The following SASH1 variants were observed in gnomAD, a reference collection of about 807,000 sequenced individuals.
SASH1 encodes SAM and SH3 domain-containing protein 1.
SASH1 carries 44 observed loss-of-function variants against 125.2 expected under a neutral mutation model. The ratio of observed to expected loss-of-function variants is 0.35; its 90% confidence interval spans 0.28 to 0.45. The LOEUF is 0.45. Among genes scored for constraint, SASH1 ranks in the 20% least tolerant of loss-of-function variants. The pLI is 1.00. For missense variants in SASH1, 1,426 were observed against 1,614.5 expected (o/e 0.88, Z 2.00); for synonymous variants, 639 against 649.1 (o/e 0.98, Z 0.24).
chr6:148,275,781 G>T (rs1054734509), intron 1 of SASH1, among the ~76,000 whole-genome samples: 1 of 152,192 alleles, frequency 6.6e-6, no homozygotes, highest in Non-Finnish European at 1.5e-5. Flanking sequence ...GAATGCAGTG[G>T]CATGATCATG....
chr6:148,220,931 G>A, the SASH1 span, among the ~76,000 whole-genome samples: 2 of 152,056 alleles, frequency 1.3e-5, no homozygotes, highest in Admixed American at 6.6e-5. Flanking sequence ...AAAATAAAAT[G>A]TGACCAATAG....
rs1054555482 is a variant in SASH1, at chr6:148,519,966, T to A, written c.1209+73T>A. ...CCACCTTCTGGTGTCCCTGGAGGAG[T>A]TTCAGAGTGTCCGGAAGCAAATCCG... On this transcript the variant is annotated intron_variant, in intron 10 of 19. Transcript: ENST00000367467. This position sits in a 1 kb window ranked among gnomAD's most constrained non-coding sequence, Gnocchi z 4.8. 14 of 1,044,356 alleles carry A rather than the reference T, an allele frequency of 1.3e-5. No individual in the cohort carries two copies. Among genetic ancestry groups the A allele is most frequent in the East Asian group, 2.6e-5 (1 of 38,326 alleles). The allele number at this position is 1,044,356 out of a possible 1,614,324, so 64.7% of individuals were successfully genotyped here. A position where few individuals can be genotyped will look rare whatever the true frequency, so the allele number is the denominator to read the frequency against.
In SASH1 at chr6:148,519,541, C is replaced by A. The variant is rs775423416; in HGVS notation, c.863-6C>A. ...TTCACAAGAGACTCTGTTGGTTTCCCTCCAGGTGGGGAGGAGCACGTGTTT... is the reference window on the plus strand; with the variant it reads ...TTCACAAGAGACTCTGTTGGTTTCCATCCAGGTGGGGAGGAGCACGTGTTT... On this transcript the variant is annotated splice_polypyrimidine_tract_variant and splice_region_variant and intron_variant, in intron 9 of 19. Transcript: ENST00000367467. This position sits in a 1 kb window ranked among gnomAD's most constrained non-coding sequence, Gnocchi z 4.8. The A allele has an allele frequency of 8.7e-6, 14 of 1,610,488 alleles. No individual in the cohort carries two copies. The highest frequency in any genetic ancestry group is 1.7e-4 in the Middle Eastern group (1 of 6,048).
chr6:148,532,121 A>G lies in SASH1; in HGVS notation c.1564+460A>G. 6.6e-6 allele frequency among the ~76,000 whole-genome samples: 1 copy of G among 152,130 alleles called. No homozygotes were observed. Among genetic ancestry groups the G allele is most frequent in the East Asian group, 1.9e-4 (1 of 5,186 alleles). ...TTGAGATGGAGTCTCACTGTCTCCC[A>G]GGCTGGAGTGCAGTGTTGTGATCTC... On this transcript the variant is annotated intron_variant, in intron 13 of 19. Coordinates refer to ENST00000367467, the MANE Select transcript of SASH1 (RefSeq NM_015278.5). This position sits in a 1 kb window ranked among gnomAD's most constrained non-coding sequence, Gnocchi z 4.7.
chr6:148,271,775 G>A (rs149001806), upstream of SASH1, among the ~76,000 whole-genome samples: 47 of 152,222 alleles, frequency 3.1e-4, no homozygotes, highest in Non-Finnish European at 4.7e-4. Flanking sequence ...TAAACTTACC[G>A]TGTTAAATGG....
chr6:148,521,735 GA>G (rs1327539290), intron 10 of SASH1, among the ~76,000 whole-genome samples: 2 of 152,096 alleles, frequency 1.3e-5, no homozygotes, highest in East Asian at 3.8e-4. Flanking sequence ...CAGATATTTT[GA>G]AAAATAACCA....
intron 7 of SASH1, among the ~76,000 whole-genome samples, chr6:148,476,689 A>C (rs1228738994): frequency 6.6e-6 from 1 of 152,046 alleles, no homozygotes; most frequent in East Asian, 1.9e-4. Context: ...CCCAACCCCC[A>C]AAAAAAGGAA....
intron 1 of SASH1, among the ~76,000 whole-genome samples, chr6:148,378,784 A>G (rs1014837335): frequency 6.6e-6 from 1 of 152,196 alleles, no homozygotes; most frequent in African/African-American, 2.4e-5. Flanking sequence ...AGCCTCTTCC[A>G]TGACAGAGGT....
intron 2 of SASH1, among the ~76,000 whole-genome samples, chr6:148,397,336 T>A (rs1783998200): frequency 6.6e-6 from 1 of 151,690 alleles, no homozygotes; most frequent in South Asian, 2.1e-4. Flanking sequence ...CAAAAAAAAA[T>A]TTAGCCAGGT....
chr6:148,406,885 A>G (rs568358333), intron 2 of SASH1, among the ~76,000 whole-genome samples: 303 of 151,448 alleles, frequency 2.0e-3, no homozygotes, highest in Non-Finnish European at 3.7e-3. Flanking sequence ...GAGCAGAGAG[A>G]ATCAGGCTCT....
chr6:148,390,731 T>G (rs1166745728), intron 2 of SASH1, among the ~76,000 whole-genome samples: 3 of 150,282 alleles, frequency 2.0e-5, no homozygotes, highest in Non-Finnish European at 4.4e-5. Context: ...GAGCTTGCAG[T>G]GAGCCAAGAT....
the SASH1 span, among the ~76,000 whole-genome samples, chr6:148,202,890 G>T: frequency 6.6e-5 from 10 of 152,150 alleles, no homozygotes; most frequent in African/African-American, 2.4e-4. Flanking sequence ...GTAGGCAGAG[G>T]TTGCAGTGAG....
At chr6:148,506,325 A>G (rs1254584227) in intron 8 of SASH1, among the ~76,000 whole-genome samples, 1 of 151,766 alleles carries the variant, frequency 6.6e-6, no homozygotes, top group African/African-American at 2.4e-5. Context: ...AAATACAAAA[A>G]TTAGCTGGGC....
chr6:148,300,851 C>T (rs1267586857), intron 1 of SASH1, among the ~76,000 whole-genome samples: 2 of 152,004 alleles, frequency 1.3e-5, no homozygotes, highest in African/African-American at 4.8e-5. Context: ...TTCAAAAACC[C>T]GACAGCACTG....
At position 148,519,684 on chromosome 6, in the gene SASH1, A is replaced by G; in HGVS notation, c.1000A>G (p.Thr334Ala). 6.8e-6 allele frequency: 11 copies of G among 1,614,038 alleles called. No homozygotes were observed. The highest frequency in any genetic ancestry group is 9.3e-6 in the Non-Finnish European group (11 of 1,180,006). Residue 334 changes from threonine (T) to alanine (A), a missense_variant, in exon 10 of 20, where the codon ACG becomes GCG. Around this residue, in one of 3 missense-constraint regions of SASH1, gnomAD observed 567 missense variants for 575.6 expected, o/e 0.99. Coordinates refer to ENST00000367467, the MANE Select transcript of SASH1 (RefSeq NM_015278.5). This position sits in a 1 kb window ranked among gnomAD's most constrained non-coding sequence, Gnocchi z 4.8. Reference protein sequence around the residue: ...PPEDDSDSLTTSPSSSSLDTW... With the variant: ...PPEDDSDSLTASPSSSSLDTW... Reference sequence around the variant, plus strand: ...CGAAGATGACTCAGACTCTCTCACCACGTCTCCATCCTCCAGCAGCCTGGA... The same window carrying G: ...CGAAGATGACTCAGACTCTCTCACCGCGTCTCCATCCTCCAGCAGCCTGGA...
intron 1 of SASH1, among the ~76,000 whole-genome samples, chr6:148,298,737 G>C (rs1779844030): frequency 9.8e-6 from 1 of 101,844 alleles, no homozygotes; most frequent in Non-Finnish European, 2.0e-5. Flanking sequence ...GAGGGAGGGA[G>C]GGAGGGAAAG....
At chr6:148,343,325 G>A (rs1781407348) in intron 1 of SASH1, 102 bp downstream of exon 1, 7 of 1,093,700 alleles carry the variant, frequency 6.4e-6, no homozygotes, top group African/African-American at 1.6e-5. Flanking sequence ...AACCCACTCC[G>A]CAGAGGCGTC....
At chr6:148,405,883 C>T (rs1784350792) in intron 2 of SASH1, among the ~76,000 whole-genome samples, 1 of 152,200 alleles carries the variant, frequency 6.6e-6, no homozygotes, top group Non-Finnish European at 1.5e-5. Context: ...GGGAATGTGT[C>T]TTCTTTTGCT....
chr6:148,338,276 A>G (rs1781220965), upstream of SASH1, among the ~76,000 whole-genome samples: 1 of 151,824 alleles, frequency 6.6e-6, no homozygotes, highest in South Asian at 2.1e-4. Context: ...AAAATACAAA[A>G]ATTAGCCTGG....
Sources: allele counts gnomAD v4.1 joint callset (sites outside exome capture counted in the v4.1 genomes callset), GRCh38; gene constraint gnomAD v4.1.1; regional missense constraint gnomAD v4.1.1; non-coding constraint Gnocchi (gnomAD v3.1); transcripts MANE v1.5; gene names NCBI Gene and HGNC (gene_info 2026-07-23, HGNC 2026-07-21).